PCDHA5: variants seen among roughly 807,000 people sequenced by gnomAD.
The protein encoded by PCDHA5 is protocadherin alpha-5.
PCDHA5 carries 43 observed loss-of-function variants against 61.6 expected under a neutral mutation model. The ratio of observed to expected loss-of-function variants is 0.70; its 90% CI spans 0.55 to 0.90. PCDHA5 has a LOEUF of 0.90. Ranked by LOEUF, PCDHA5 falls within the 40% of genes least tolerant of loss-of-function variation. The pLI is 0.00. For missense variants in PCDHA5, 1,298 were observed against 1,222.7 expected, an observed-to-expected ratio of 1.06 and a Z score of -0.92; for synonymous variants, 627 against 543.9, an observed-to-expected ratio of 1.15 and a Z score of -2.13.
intron 3 of PCDHA5, among the ~76,000 whole-genome samples, chr5:141,002,059 G>T (rs983772482): frequency 6.6e-6 from 1 of 152,242 alleles, no homozygotes; most frequent in East Asian, 1.9e-4. Flanking sequence ...AGAGGCAGCA[G>T]CAGCCGCCAG....
At chr5:140,877,724 C>A in intron 1 of PCDHA5, 1 of 1,614,150 alleles carries the variant, frequency 6.2e-7, no homozygotes, top group Non-Finnish European at 8.5e-7. Context: ...TGGTCTTACT[C>A]GCAGCAGAGG....
intron 3 of PCDHA5, among the ~76,000 whole-genome samples, chr5:140,999,630 A>G (rs2097866462): frequency 1.3e-5 from 2 of 152,210 alleles, no homozygotes; most frequent in Non-Finnish European, 2.9e-5. Context: ...GAAACAAGGT[A>G]GAGAAAACTG....
In PCDHA5 at chr5:140,843,632, G is replaced by A. The variant is rs2150363931; in HGVS notation, c.2352+19505G>A. 5 of 1,595,852 alleles carry A rather than the reference G, an allele frequency of 3.1e-6. No homozygotes were observed. In the African/African-American group the frequency reaches 4.0e-5, roughly 13 times the overall value. ...GGGGCCACCGAAGACGGACCTCATG[G>A]CCTTCAGCCCCTGCCTTCCTCCTGA... On this transcript the variant is annotated intron_variant, in intron 1 of 3. Transcript: ENST00000529859.
intron 3 of PCDHA5, among the ~76,000 whole-genome samples, chr5:140,983,739 G>T (rs983923811): frequency 5.3e-5 from 8 of 152,194 alleles, no homozygotes; most frequent in African/African-American, 1.9e-4. Context: ...TGGCTGGCTT[G>T]CAATAATCCA....
chr5:140,928,921 C>A (rs782289381), intron 1 of PCDHA5: 1 of 1,614,116 alleles, frequency 6.2e-7, no homozygotes, highest in Non-Finnish European at 8.5e-7. Flanking sequence ...AGGAGGGCAG[C>A]TTTCTGCCCA....
chr5:140,846,369 CTTTCTTTTT>C lies in PCDHA5; in HGVS notation c.2352+22246_2352+22254del, dbSNP rs1780378875. Among the ~76,000 whole-genome samples the C allele has an allele frequency of 1.9e-4, 19 of 102,176 alleles. 2 individuals are homozygous for C. In the South Asian group the frequency reaches 2.3e-3, roughly 12 times the overall value. The allele number at this position is 102,176 out of a possible 152,430, so 67.0% of individuals were successfully genotyped here. On this transcript the variant is annotated intron_variant, in intron 1 of 3. Transcript: ENST00000529859. ...TTCTCTTTTTTCTTTTCTTTTCTTT[CTTTCTTTTT>C]TTTTTTTTTTTTTTGAGACGGAGTC...
intron 1 of PCDHA5, chr5:140,836,900 T>C: frequency 3.4e-6 from 2 of 592,540 alleles, no homozygotes; most frequent in Non-Finnish European, 5.6e-6. Context: ...GAAGTACGTT[T>C]AATATACACT....
chr5:140,966,850 CCTGCTGCTGTTG>C (rs1409933796), intron 1 of PCDHA5: 1 of 1,572,784 alleles, frequency 6.4e-7, no homozygotes, highest in Non-Finnish European at 8.6e-7. Context: ...TACTGCCTCT[CCTGCTGCTGTTG>C]CTGCTGCTGC....
chr5:140,824,306 T>C, intron 1 of PCDHA5, 179 bp downstream of exon 1: 1 of 799,318 alleles, frequency 1.3e-6, no homozygotes, highest in East Asian at 2.5e-5. Context: ...GCTGGGGTAA[T>C]AGATTCATCA....
At chr5:140,829,600 G>T (rs2150170965) in intron 1 of PCDHA5, 2 of 1,612,044 alleles carry the variant, frequency 1.2e-6, no homozygotes, top group Non-Finnish European at 8.5e-7. Flanking sequence ...GCGAGCGCGC[G>T]TTGTCGAGCT....
chr5:140,829,237 C>T (rs2150164449), intron 1 of PCDHA5: 70 of 1,614,146 alleles, frequency 4.3e-5, no homozygotes, highest in Non-Finnish European at 4.8e-5. Context: ...CAGGTGCCAA[C>T]GGGCAGGTGA....
intron 1 of PCDHA5, among the ~76,000 whole-genome samples, chr5:140,890,310 G>C (rs1554184247): frequency 6.6e-6 from 1 of 152,160 alleles, no homozygotes; most frequent in African/African-American, 2.4e-5. Context: ...GTAATATTAA[G>C]TTGTTTTAAG....
rs2150116239 is a variant in PCDHA5 at position 140,822,419 on chromosome 5, A to T, written c.644A>T (p.Asp215Val). The change falls in exon 1 of 4, where the codon GAT becomes GTT. Residue 215 changes from aspartate (D) to valine (V), a missense_variant. Transcript: ENST00000529859. ...CACCGTTTATTAGTGATTGCAACTG[A>T]TGGAGGAAAACCCGAACTAACAGGT... is the stretch of plus-strand genomic sequence containing the variant. Reference protein sequence around the residue: ...QEHRLLVIATDGGKPELTGTV... With the variant: ...QEHRLLVIATVGGKPELTGTV... The T allele has an allele frequency of 8.7e-6, 14 of 1,614,096 alleles. No homozygotes were observed. The highest frequency in any genetic ancestry group is 2.2e-5 in the East Asian group (1 of 44,890).
At chr5:140,858,899 C>T (rs1236968449) in intron 1 of PCDHA5, 4 of 203,942 alleles carry the variant, frequency 2.0e-5, no homozygotes, top group Non-Finnish European at 3.0e-5. Flanking sequence ...ATATGTGTAG[C>T]GTACCACAGC....
Position 140,869,893 on chromosome 5 carries a change from C to G in PCDHA5, c.2352+45766C>G, listed in dbSNP as rs375422597. 3 of 1,610,510 alleles carry G rather than the reference C, an allele frequency of 1.9e-6. No homozygotes were observed. The African/African-American group carries it at 4.0e-5, about 21-fold the overall frequency. ...TGCTAAAGAAACTCTTGTGCTCAAA[C>G]TAAACGCCACAGACCGAGACGAAGG... On this transcript the variant is annotated intron_variant, in intron 1 of 3. Transcript: ENST00000529859.
Position 141,009,859 on chromosome 5 carries a change from G to A in PCDHA5, c.2733G>A (p.Lys911=). The A allele has an allele frequency of 1.2e-6, 2 of 1,613,884 alleles. No homozygotes were observed. Among genetic ancestry groups the A allele is most frequent in the Non-Finnish European group, 1.7e-6 (2 of 1,179,960 alleles). The part of the protein sequence containing the change: ...TFGKKEETKK[K]KKKKKGNKTQ... ...GCAAAAAGGAGGAGACCAAGAAAAA[G>A]AAGAAAAAGAAGAAGGGTAACAAGA... The change falls in exon 4 of 4, where the codon AAG becomes AAA. Residue 911 remains lysine (K), a synonymous_variant. Transcript: ENST00000529859.
chr5:140,966,516 G>A (rs967570115), intron 1 of PCDHA5: 27 of 436,614 alleles, frequency 6.2e-5, no homozygotes, highest in Admixed American at 4.4e-4. Flanking sequence ...GCAGCAGCAG[G>A]AAGCCGAGCC....
At chr5:140,842,679 C>A in intron 1 of PCDHA5, 1 of 1,595,330 alleles carries the variant, frequency 6.3e-7, no homozygotes, top group Non-Finnish European at 8.6e-7. Context: ...GACAATGCTC[C>A]GGCGTTCGCG....
intron 1 of PCDHA5, chr5:140,881,395 T>C: frequency 1.0e-6 from 1 of 978,940 alleles, no homozygotes; most frequent in Non-Finnish European, 1.2e-6. Context: ...TAAGTTAAAT[T>C]CTATTAAATC....
Sources: gnomAD v4.1 joint callset for allele counts (sites outside exome capture counted in the v4.1 genomes callset) on GRCh38, gnomAD v4.1.1 for gene constraint, MANE v1.5 for transcripts, NCBI Gene and HGNC (gene_info 2026-07-23, HGNC 2026-07-21) for gene names.